Variants in ZNF582 observed in about 807,000 individuals in gnomAD.
ZNF582 encodes the protein zinc finger protein 582.
Under a neutral mutation model 12.3 loss-of-function variants are expected in ZNF582, and 14 were observed. The observed-to-expected ratio is 1.14, with a 90% confidence interval of 0.75 to 1.78. The LOEUF (loss-of-function observed/expected upper bound fraction) is 1.78, where lower values mean the gene tolerates loss of function less well. ZNF582 is among the 40% of genes most tolerant of loss of function. The pLI, the probability that ZNF582 is intolerant of heterozygous loss-of-function variation, is 0.00. For missense variants in ZNF582, 567 were observed against 616.5 expected (o/e 0.92, Z 0.85); for synonymous variants, 210 against 207.2 (o/e 1.01, Z -0.11).
chr19:56,385,365 AAG>A (rs890758311), intron 4 of ZNF582, among the ~76,000 whole-genome samples, 181 bp from the exon 5 acceptor site: 2 of 152,178 alleles, frequency 1.3e-5, no homozygotes, highest in African/African-American at 4.8e-5. Context: ...GGGAGGCAAT[AAG>A]AGAGGTTATA....
At chr19:56,389,868 T>G in intron 4 of ZNF582, 133 bp downstream of exon 4, 1 of 641,082 alleles carries the variant, frequency 1.6e-6, no homozygotes, top group Non-Finnish European at 2.7e-6. Context: ...GCTGACGAGC[T>G]GAGGAAAACA....
At chr19:56,384,620 C>A in exon 5 of ZNF582, 2 of 1,613,846 alleles carry the variant, frequency 1.2e-6, no homozygotes, top group East Asian at 2.2e-5. Flanking sequence ...CTGTGAGCTT[C>A]GACTAAAGGC....
Position 56,390,355 on chromosome 19 carries a change from A to G in ZNF582, c.136+20T>C. Reference sequence around the variant, plus strand: ...CATGCCCAAGGATAACCTCCAAACTAACAGACGAGATCACCTTACCCAGTG... The same window carrying G: ...CATGCCCAAGGATAACCTCCAAACTGACAGACGAGATCACCTTACCCAGTG... On this transcript the variant is annotated intron_variant, in intron 3 of 4. Coordinates refer to ENST00000586929, the Ensembl canonical transcript of ZNF582. 1 of 1,614,048 alleles carries G rather than the reference A, an allele frequency of 6.2e-7. No individual in the cohort carries two copies. Among genetic ancestry groups the G allele is most frequent in the Middle Eastern group, 1.6e-4 (1 of 6,062 alleles).
chr19:56,386,063 A>G (rs1443041143), intron 4 of ZNF582, among the ~76,000 whole-genome samples: 1 of 152,224 alleles, frequency 6.6e-6, no homozygotes, highest in Non-Finnish European at 1.5e-5. Flanking sequence ...TGTACTTAAC[A>G]CTACTGAACT....
exon 5 of ZNF582, chr19:56,385,064 A>C (rs1399788370): frequency 1.2e-6 from 2 of 1,614,044 alleles, no homozygotes; most frequent in African/African-American, 2.7e-5. Context: ...ATCATCTTGG[A>C]AACTTGAACA....
rs977701057 is a variant in ZNF582 at position 56,393,237 on chromosome 19, C to G, written c.-98G>C. On this transcript the variant is annotated 5_prime_UTR_variant, in exon 1 of 5. Transcript: ENST00000586929. ...GCACCCACCTAAGGGGTCCATGCAC[C>G]TGGGCTATGAGGCTGGAAGCAGAAA... The G allele has an allele frequency of 6.4e-6, 8 of 1,253,656 alleles. No individual in the cohort carries two copies. The African/African-American group carries it at 1.1e-4, about 17-fold the overall frequency. 77.7% of individuals were successfully genotyped at this position (1,253,656 alleles called of 1,614,324 possible). A position where few individuals can be genotyped will look rare whatever the true frequency, so the allele number is the denominator to read the frequency against.
chr19:56,393,248 G>T, exon 1 of ZNF582: 1 of 1,248,688 alleles, frequency 8.0e-7, no homozygotes, highest in Non-Finnish European at 1.0e-6. Flanking sequence ...TGGGCTATGA[G>T]GCTGGAAGCA....
At chr19:56,385,685 A>AG (rs2041960633) in intron 4 of ZNF582, among the ~76,000 whole-genome samples, 1 of 152,082 alleles carries the variant, frequency 6.6e-6, no homozygotes, top group African/African-American at 2.4e-5. Flanking sequence ...AAAAAAAAAA[A>AG]AAGAGTTGGT....
chr19:56,389,891 T>C, intron 4 of ZNF582, 110 bp downstream of exon 4: 1 of 784,644 alleles, frequency 1.3e-6, no homozygotes, highest in Non-Finnish European at 2.1e-6. Flanking sequence ...ACGTAAGACA[T>C]AAGCTTTGAA....
chr19:56,391,031 T>C (rs2042010149), intron 2 of ZNF582, among the ~76,000 whole-genome samples: 1 of 152,234 alleles, frequency 6.6e-6, no homozygotes, highest in Admixed American at 6.5e-5. Context: ...TTTTTCTTCA[T>C]GGGAAAAACC....
chr19:56,384,798 C>T (rs771741221), exon 5 of ZNF582: 2 of 1,597,996 alleles, frequency 1.3e-6, no homozygotes, highest in Admixed American at 3.5e-5. Context: ...TATTTAAAGG[C>T]CTTCCCACAT....
intron 2 of ZNF582, among the ~76,000 whole-genome samples, chr19:56,390,964 A>G (rs1183539699): frequency 6.6e-6 from 1 of 152,204 alleles, no homozygotes; most frequent in African/African-American, 2.4e-5. Context: ...TTTTCATGTA[A>G]GTCAAGAATT....
rs571186873 is a variant in ZNF582 at position 56,389,882 on chromosome 19, C to G, written c.232+119G>C. ...TGCTGACGAGCTGAGGAAAACAACA[C>G]GTAAGACATAAGCTTTGAAGGTAGC... On this transcript the variant is annotated intron_variant, in intron 4 of 4. Coordinates refer to ENST00000586929, the Ensembl canonical transcript of ZNF582. The G allele has an allele frequency of 5.8e-5, 42 of 719,050 alleles. No individual in the cohort carries two copies. In the East Asian group the frequency reaches 9.4e-4, roughly 16 times the overall value. The allele number at this position is 719,050 out of a possible 1,614,324, so 44.5% of individuals were successfully genotyped here.
intron 2 of ZNF582, 116 bp downstream of exon 2, chr19:56,391,628 G>T: frequency 2.3e-6 from 2 of 868,900 alleles, no homozygotes; most frequent in Non-Finnish European, 3.8e-6. Context: ...GGAGACTCCT[G>T]CCTGGTCCTT....
chr19:56,383,825 T>C (rs780903675), exon 5 of ZNF582: 1 of 1,509,336 alleles, frequency 6.6e-7, no homozygotes, highest in Admixed American at 2.4e-5. Context: ...TTCAAGTCTT[T>C]CTCCAAGAGG....
chr19:56,389,887 GACA>G, intron 4 of ZNF582, 111 bp downstream of exon 4: 5 of 752,592 alleles, frequency 6.6e-6, no homozygotes, highest in South Asian at 3.5e-5. Context: ...CAACACGTAA[GACA>G]TAAGCTTTGA....
At chr19:56,387,927 A>C (rs1433023345) in intron 4 of ZNF582, among the ~76,000 whole-genome samples, 2 of 152,230 alleles carry the variant, frequency 1.3e-5, no homozygotes, top group African/African-American at 4.8e-5. Flanking sequence ...AAACATTTGA[A>C]TGTGTACCCT....
intron 4 of ZNF582, among the ~76,000 whole-genome samples, chr19:56,388,934 T>C (rs1052525430): frequency 1.3e-5 from 2 of 152,176 alleles, no homozygotes; most frequent in African/African-American, 4.8e-5. Context: ...TATCTCTGTG[T>C]TCCTCCCTTT....
chr19:56,384,618 T>C (rs1303754534), exon 5 of ZNF582: 3 of 1,614,044 alleles, frequency 1.9e-6, no homozygotes, highest in Admixed American at 3.3e-5. Context: ...AACTGTGAGC[T>C]TCGACTAAAG....
Sources: gnomAD v4.1 joint callset for allele counts (sites outside exome capture counted in the v4.1 genomes callset) on GRCh38, gnomAD v4.1.1 for gene constraint, MANE v1.5 for transcripts, NCBI Gene and HGNC (gene_info 2026-07-23, HGNC 2026-07-21) for gene names.